Variants in SORBS2 observed in about 807,000 individuals in gnomAD.
SORBS2 encodes the protein sorbin and SH3 domain containing 2.
SORBS2 carries 46 observed loss-of-function variants against 97.7 expected under a neutral mutation model. That is an observed-to-expected ratio of 0.47 (90% CI 0.37 to 0.60). The LOEUF (loss-of-function observed/expected upper bound fraction) is 0.60, where lower values mean the gene tolerates loss of function less well. SORBS2 is among the 20% of genes least tolerant of loss of function. The probability of loss-of-function intolerance (pLI) is 0.00; values close to 1 mark genes in which losing one functional copy is unlikely to be tolerated. For missense variants in SORBS2, 1,316 were observed against 1,282.3 expected (o/e 1.03, Z -0.40); for synonymous variants, 476 against 473.4 (o/e 1.01, Z -0.07).
chr4:185,724,614 G>A (rs935636610), intron 2 of SORBS2, among the ~76,000 whole-genome samples: 3 of 152,040 alleles, frequency 2.0e-5, no homozygotes, highest in African/African-American at 7.2e-5. Context: ...TGTCTGAGAG[G>A]TCAACTTCTA....
chr4:185,805,412 G>C (rs940119835), intron 1 of SORBS2, among the ~76,000 whole-genome samples: 1 of 152,156 alleles, frequency 6.6e-6, no homozygotes, highest in African/African-American at 2.4e-5. Flanking sequence ...TCTGATTGCT[G>C]TAAGCCGTTC....
At chr4:185,596,733 C>G (rs1454713623) in intron 12 of SORBS2, among the ~76,000 whole-genome samples, 1 of 151,968 alleles carries the variant, frequency 6.6e-6, no homozygotes, top group Non-Finnish European at 1.5e-5. Context: ...CAGGGTTTCA[C>G]CATGTTAGCC....
At chr4:185,887,229 T>C (rs748967403) in intron 1 of SORBS2, among the ~76,000 whole-genome samples, 16 of 152,220 alleles carry the variant, frequency 1.1e-4, no homozygotes, top group African/African-American at 3.9e-4. Flanking sequence ...ATGGAAATAA[T>C]ATCACATTTC....
At chr4:185,873,268 T>A (rs949289414) in intron 1 of SORBS2, among the ~76,000 whole-genome samples, 1 of 152,192 alleles carries the variant, frequency 6.6e-6, no homozygotes, top group African/African-American at 2.4e-5. Context: ...CAGAAGTGTA[T>A]ATAGGTCTTT....
At chr4:185,698,096 A>G (rs1396709913) in intron 2 of SORBS2, among the ~76,000 whole-genome samples, 2 of 152,188 alleles carry the variant, frequency 1.3e-5, no homozygotes, top group African/African-American at 4.8e-5. Context: ...GGATGCCCCA[A>G]GCAGATACTC....
chr4:185,618,100 G>A (rs1447307419), intron 9 of SORBS2, among the ~76,000 whole-genome samples: 1 of 152,134 alleles, frequency 6.6e-6, no homozygotes, highest in Non-Finnish European at 1.5e-5. Context: ...AGCCTCCTGA[G>A]TAGCTGGGAC....
chr4:185,711,180 C>T (rs9991548), intron 2 of SORBS2, among the ~76,000 whole-genome samples: 111,703 of 151,460 alleles, frequency 0.74, 42,435 homozygotes, highest in Non-Finnish European at 0.84. Context: ...TGCCTTGTTG[C>T]CTGGGCTGGT....
At position 185,607,512 on chromosome 4, in the gene SORBS2, G is replaced by T. The variant is rs191137368; in HGVS notation, c.2796+4268C>A. On this transcript the variant is annotated intron_variant, in intron 12 of 14. Transcript: ENST00000418609. This position sits in a 1 kb window ranked among gnomAD's most constrained non-coding sequence, Gnocchi z 5.2. ...TTTGAAGACATTTAGAAGATATCTA[G>T]ATTTGAAGGTATTTTGCTGAAATTT... Among the ~76,000 whole-genome samples the T allele has an allele frequency of 5.9e-5, 9 of 152,238 alleles. No homozygotes were observed. In the East Asian group the frequency reaches 1.4e-3, roughly 23 times the overall value.
At chr4:185,747,800 G>C (rs1218869339) in intron 2 of SORBS2, among the ~76,000 whole-genome samples, 1 of 152,178 alleles carries the variant, frequency 6.6e-6, no homozygotes, top group Non-Finnish European at 1.5e-5. Flanking sequence ...GACCAGCCTG[G>C]CCAACATGGT....
rs971531912 is a variant in SORBS2, at chr4:185,678,529, T to C, written c.-152A>G. 8 of 1,547,108 alleles carry C rather than the reference T, an allele frequency of 5.2e-6. No individual in the cohort carries two copies. In the African/African-American group the frequency reaches 1.1e-4, roughly 21 times the overall value. ...TCCGTTCAGTGTCTCCTGATTGCCA[T>C]CATTGTAAGATCTCCAAGCTTTCAT... On this transcript the variant is annotated 5_prime_UTR_variant, in exon 4 of 21. Transcript: ENST00000284776.
chr4:185,921,326 T>C (rs201950318), intron 1 of SORBS2, among the ~76,000 whole-genome samples: 1 of 152,216 alleles, frequency 6.6e-6, no homozygotes, highest in East Asian at 1.9e-4. Context: ...CTGTAGGCTG[T>C]TTTTTATAAC....
chr4:185,658,212 G>A (rs1561735094), upstream of SORBS2, among the ~76,000 whole-genome samples: 1 of 152,096 alleles, frequency 6.6e-6, no homozygotes. Context: ...TTATTAGTAC[G>A]ATTTCCTATG....
chr4:185,914,206 A>G (rs1389815600), intron 1 of SORBS2, among the ~76,000 whole-genome samples: 1 of 152,224 alleles, frequency 6.6e-6, no homozygotes, highest in Non-Finnish European at 1.5e-5. Flanking sequence ...GAAAAATAGA[A>G]AACAACACTA....
At chr4:185,769,112 G>GA (rs2098954654) in intron 2 of SORBS2, among the ~76,000 whole-genome samples, 1 of 151,792 alleles carries the variant, frequency 6.6e-6, no homozygotes, top group Admixed American at 6.6e-5. Flanking sequence ...TTAGCATGAA[G>GA]GTGTAAGTCA....
rs199545440 is a variant in SORBS2, at chr4:185,587,590, G to A, written c.*37C>T. ...TCAGGCGCGTTGACGCAGGTGCATG[G>A]CTGGCAGGCGGCCTCTACAGAAGGA... is the stretch of plus-strand genomic sequence containing the variant. On this transcript the variant is annotated 3_prime_UTR_variant, in exon 15 of 15. Coordinates refer to ENST00000418609, the Ensembl canonical transcript of SORBS2. 7.2e-5 allele frequency: 115 copies of A among 1,596,928 alleles called. No individual in the cohort carries two copies. In the Admixed American group the frequency reaches 1.0e-3, roughly 14 times the overall value.
chr4:185,692,592 A>G (rs2098116749), intron 2 of SORBS2, among the ~76,000 whole-genome samples: 1 of 152,164 alleles, frequency 6.6e-6, no homozygotes. Context: ...GGCTTTGTTC[A>G]TTACTGATGA....
intron 1 of SORBS2, among the ~76,000 whole-genome samples, chr4:185,906,754 A>T (rs370974286): frequency 4.1e-4 from 63 of 152,326 alleles, no homozygotes; most frequent in African/African-American, 1.4e-3. Flanking sequence ...AAAGACAAAG[A>T]TCTTTCTTCT....
chr4:185,865,874 C>G (rs1400162560), intron 1 of SORBS2, among the ~76,000 whole-genome samples: 1 of 151,836 alleles, frequency 6.6e-6, no homozygotes, highest in Non-Finnish European at 1.5e-5. Context: ...TTATCTTACA[C>G]AAGGTGCTGA....
At chr4:185,796,468 ACG>A in intron 1 of SORBS2, among the ~76,000 whole-genome samples, 1 of 148,160 alleles carries the variant, frequency 6.7e-6, no homozygotes, top group African/African-American at 2.5e-5. Context: ...CGCTGTGGCC[ACG>A]CTGCTCCCTG....
Sources: allele counts gnomAD v4.1 joint callset (sites outside exome capture counted in the v4.1 genomes callset), GRCh38; gene constraint gnomAD v4.1.1; non-coding constraint Gnocchi (gnomAD v3.1); transcripts MANE v1.5; gene names NCBI Gene and HGNC (gene_info 2026-07-23, HGNC 2026-07-21).